The following IGFL2 variants were observed in gnomAD, a reference collection of about 807,000 sequenced individuals.
The protein encoded by IGFL2 is IGF like family member 2, also known as insulin growth factor-like family member 2.
IGFL2 carries 7 observed loss-of-function variants against 13.9 expected under a neutral mutation model. The ratio of observed to expected loss-of-function variants is 0.51; its 90% confidence interval spans 0.29 to 0.95. IGFL2 has a LOEUF of 0.95. Ranked by LOEUF, IGFL2 falls within the 40% of genes least tolerant of loss-of-function variation. IGFL2 has a pLI of 0.08. For missense variants in IGFL2, 138 were observed against 147.8 expected, an observed-to-expected ratio of 0.93 and a Z score of 0.34; for synonymous variants, 55 against 55.8, an observed-to-expected ratio of 0.99 and a Z score of 0.07.
At chr19:46,126,701 C>G in the IGFL2 span, among the ~76,000 whole-genome samples, 3 of 152,202 alleles carry the variant, frequency 2.0e-5, no homozygotes, top group African/African-American at 7.2e-5. Flanking sequence ...GCACACACAA[C>G]ACACAAGCCA....
the IGFL2 span, among the ~76,000 whole-genome samples, chr19:46,176,009 ATTTTTT>A: frequency 1.8e-4 from 13 of 71,902 alleles, no homozygotes; most frequent in East Asian, 2.7e-3. Context: ...CGCCCGACTA[ATTTTTT>A]TTTTTTTTTT....
chr19:46,116,864 C>T, the IGFL2 span, among the ~76,000 whole-genome samples: 74 of 152,152 alleles, frequency 4.9e-4, no homozygotes, highest in African/African-American at 1.7e-3. Flanking sequence ...TTAATAGAGC[C>T]AGTAAATCTT....
the IGFL2 span, among the ~76,000 whole-genome samples, chr19:46,107,806 C>T: frequency 2.0e-5 from 3 of 152,146 alleles, no homozygotes; most frequent in Admixed American, 2.0e-4. Flanking sequence ...AGACAGCCTT[C>T]TGGCCCCTCT....
the IGFL2 span, chr19:46,214,903 A>G: frequency 1.3e-5 from 2 of 150,868 alleles, no homozygotes; most frequent in African/African-American, 4.9e-5. Context: ...GCACACACAC[A>G]CACACACACC....
chr19:46,136,320 A>G, the IGFL2 span, among the ~76,000 whole-genome samples: 1 of 152,060 alleles, frequency 6.6e-6, no homozygotes, highest in Non-Finnish European at 1.5e-5. Flanking sequence ...AAACTCATCA[A>G]TTAACTAGAT....
chr19:46,160,741 T>TC lies in IGFL2; in HGVS notation c.207dup (p.Cys70LeufsTer8), dbSNP rs1568434004. The TC allele has an allele frequency of 2.5e-6, 4 of 1,613,894 alleles. No homozygotes were observed. In the African/African-American group the frequency reaches 5.3e-5, roughly 22 times the overall value. ...CCCTGAGCGAGACCCGCCAATGTGG[T>TC]CCCCCCTGCACCTTCTGGCCCTGCT... On this transcript the variant is annotated frameshift_variant, in exon 3 of 4. Coordinates refer to ENST00000377693, the MANE Select transcript of IGFL2 (RefSeq NM_001135113.2). LOFTEE classifies it high-confidence loss of function.
intron 1 of IGFL2, among the ~76,000 whole-genome samples, chr19:46,152,142 C>A (rs1973530921): frequency 6.6e-6 from 1 of 151,838 alleles, no homozygotes; most frequent in Admixed American, 6.6e-5. Context: ...GAATTATATT[C>A]CTAATTTCAT....
intron 2 of IGFL2, 25 bp from the exon 3 acceptor site, chr19:46,160,589 C>T (rs1231941966): frequency 6.2e-7 from 1 of 1,613,754 alleles, no homozygotes; most frequent in Non-Finnish European, 8.5e-7. Context: ...GAGCTCACAC[C>T]AACAATGTCT....
At chr19:46,105,182 G>A in the IGFL2 span, among the ~76,000 whole-genome samples, 2 of 152,224 alleles carry the variant, frequency 1.3e-5, no homozygotes, top group Admixed American at 6.5e-5. Flanking sequence ...GGACCCTTGT[G>A]TAATGAGGAA....
the IGFL2 span, among the ~76,000 whole-genome samples, chr19:46,169,721 G>T: frequency 6.6e-6 from 1 of 151,856 alleles, no homozygotes. Context: ...GGTGGTGGGT[G>T]CCTGTAATCC....
chr19:46,126,935 T>TA, the IGFL2 span, among the ~76,000 whole-genome samples: 62 of 152,176 alleles, frequency 4.1e-4, 1 homozygote, highest in African/African-American at 1.3e-3. Flanking sequence ...ATGTAGAATA[T>TA]ATATGTACAT....
chr19:46,129,399 C>T, the IGFL2 span, among the ~76,000 whole-genome samples: 3 of 149,418 alleles, frequency 2.0e-5, no homozygotes, highest in African/African-American at 7.4e-5. Context: ...TTCTTGTCTT[C>T]TGCCGGCTTT....
downstream of IGFL2, among the ~76,000 whole-genome samples, chr19:46,165,652 A>C (rs117616569): frequency 2.9e-3 from 448 of 152,342 alleles, no homozygotes; most frequent in Non-Finnish European, 5.4e-3. Context: ...CAAGAGGGAC[A>C]GGGCCCGATT....
At chr19:46,153,158 G>A (rs1240433247) in intron 1 of IGFL2, among the ~76,000 whole-genome samples, 2 of 152,222 alleles carry the variant, frequency 1.3e-5, no homozygotes, top group East Asian at 1.9e-4. Context: ...GTCTGGTTTC[G>A]GTATCAGGGT....
At chr19:46,204,216 TCTC>T in the IGFL2 span, 3 of 152,176 alleles carry the variant, frequency 2.0e-5, no homozygotes, top group Admixed American at 2.0e-4. Context: ...GAAGCTCAGG[TCTC>T]CCACCAGCAG....
chr19:46,110,892 T>C, the IGFL2 span, among the ~76,000 whole-genome samples: 2 of 152,226 alleles, frequency 1.3e-5, no homozygotes, highest in African/African-American at 4.8e-5. Flanking sequence ...AATGTTTCAT[T>C]CTGTATTTAA....
chr19:46,153,405 T>G (rs940951419), intron 1 of IGFL2, among the ~76,000 whole-genome samples: 2 of 152,216 alleles, frequency 1.3e-5, no homozygotes, highest in Non-Finnish European at 2.9e-5. Flanking sequence ...GGTTTTGATT[T>G]GCATTTCCCT....
the IGFL2 span, among the ~76,000 whole-genome samples, chr19:46,122,847 G>A: frequency 6.6e-6 from 1 of 150,800 alleles, no homozygotes; most frequent in Non-Finnish European, 1.5e-5. Context: ...GGGAGGAAGG[G>A]GAGGAAGGAC....
the IGFL2 span, among the ~76,000 whole-genome samples, chr19:46,109,538 A>G: frequency 3.3e-5 from 5 of 151,982 alleles, no homozygotes; most frequent in African/African-American, 4.8e-5. Flanking sequence ...GGATGGTCTC[A>G]ATCTCCTGAC....
Sources: allele counts gnomAD v4.1 joint callset (sites outside exome capture counted in the v4.1 genomes callset), GRCh38; gene constraint gnomAD v4.1.1; transcripts MANE v1.5; gene names NCBI Gene and HGNC (gene_info 2026-07-23, HGNC 2026-07-21).